The following FSHR variants were observed in gnomAD, a reference collection of about 807,000 sequenced individuals.
The protein encoded by FSHR is follicle-stimulating hormone receptor.
Under a neutral mutation model 52.1 loss-of-function variants are expected in FSHR, and 46 were observed. The observed-to-expected ratio is 0.88, with a 90% CI of 0.70 to 1.13. FSHR has a LOEUF of 1.13. FSHR is among the 50% of genes most tolerant of loss of function. FSHR has a pLI of 0.00. For missense variants in FSHR, 964 were observed against 834.6 expected (o/e 1.16, Z -1.91); for synonymous variants, 399 against 309.6 (o/e 1.29, Z -3.03).
intron 1 of FSHR, among the ~76,000 whole-genome samples, chr2:49,076,269 C>T (rs1316528598): frequency 6.6e-6 from 1 of 152,166 alleles, no homozygotes; most frequent in Non-Finnish European, 1.5e-5. Flanking sequence ...CTTACAGTTC[C>T]ACGTGGCTGG....
chr2:49,132,629 A>T lies in FSHR; in HGVS notation c.152+21637T>A, dbSNP rs1333820771. On this transcript the variant is annotated intron_variant, in intron 1 of 9. Coordinates refer to ENST00000406846, the MANE Select transcript of FSHR (RefSeq NM_000145.4). ...CATTAAAGTAAAAAATGGGATAAGT[A>T]ACTTCATTGCAATAACATTTATTTC... is the stretch of plus-strand genomic sequence containing the variant. Among the ~76,000 whole-genome samples, 4 of 152,148 alleles carry T rather than the reference A, an allele frequency of 2.6e-5. No individual in the cohort carries two copies. In the South Asian group the frequency reaches 6.2e-4, roughly 24 times the overall value.
chr2:49,015,008 A>G (rs945186511), intron 4 of FSHR: 2 of 415,438 alleles, frequency 4.8e-6, no homozygotes, highest in African/African-American at 4.2e-5. Flanking sequence ...TAACTGGGTA[A>G]CAGGCACTAA....
intron 1 of FSHR, among the ~76,000 whole-genome samples, chr2:49,127,063 C>T (rs760180280): frequency 2.6e-5 from 4 of 152,198 alleles, no homozygotes; most frequent in African/African-American, 9.6e-5. Flanking sequence ...TGCAGTGGCT[C>T]ATGCCTGAAA....
rs1052296770 is a variant in FSHR at position 49,127,802 on chromosome 2, C to G, written c.152+26464G>C. ...TCTTCTTCTTCTTCTTCTTCTTCTT[C>G]TTCTTCTTCTTCTTCTTCTTCTTCT... On this transcript the variant is annotated intron_variant, in intron 1 of 9. Coordinates refer to ENST00000406846, the MANE Select transcript of FSHR (RefSeq NM_000145.4). Among the ~76,000 whole-genome samples, 403 of 55,010 alleles carry G rather than the reference C, an allele frequency of 7.3e-3. 22 individuals carry two copies. Among genetic ancestry groups the G allele is most frequent in the Non-Finnish European group, 4.8e-3 (148 of 30,910 alleles). 36.1% of individuals were successfully genotyped at this position (55,010 alleles called of 152,430 possible). A position where few individuals can be genotyped will look rare whatever the true frequency, so the allele number is the denominator to read the frequency against.
chr2:49,076,928 T>C (rs1440569356), intron 1 of FSHR, among the ~76,000 whole-genome samples: 2 of 152,190 alleles, frequency 1.3e-5, no homozygotes, highest in African/African-American at 2.4e-5. Context: ...GTGGGTTCCA[T>C]GATCTTGGGC....
intron 1 of FSHR, among the ~76,000 whole-genome samples, chr2:49,132,968 T>TAAAAAAAAAAAAAAAAAAAA (rs34913428): frequency 6.2e-5 from 3 of 48,650 alleles, no homozygotes; most frequent in African/African-American, 2.6e-4. Flanking sequence ...TAAAACTCAG[T>TAAAAAAAAAAAAAAAAAAAA]AAAAAAAAAA....
At chr2:49,140,295 T>A (rs1178295192) in intron 1 of FSHR, among the ~76,000 whole-genome samples, 1 of 151,990 alleles carries the variant, frequency 6.6e-6, no homozygotes, top group South Asian at 2.1e-4. Context: ...TGAAAGTGTG[T>A]GGCATTGCCC....
chr2:48,988,154 A>T (rs1288944615), intron 6 of FSHR, among the ~76,000 whole-genome samples: 5 of 152,182 alleles, frequency 3.3e-5, no homozygotes, highest in Non-Finnish European at 5.9e-5. Flanking sequence ...CATACAACTG[A>T]AGGGGGCTAA....
intron 1 of FSHR, among the ~76,000 whole-genome samples, chr2:49,088,039 A>G (rs932797719): frequency 2.6e-5 from 4 of 152,194 alleles, no homozygotes; most frequent in Admixed American, 6.5e-5. Flanking sequence ...TGAAATAGGT[A>G]ACTATCCATA....
At chr2:49,119,539 A>G (rs1276092341) in intron 1 of FSHR, among the ~76,000 whole-genome samples, 1 of 151,892 alleles carries the variant, frequency 6.6e-6, no homozygotes, top group Non-Finnish European at 1.5e-5. Flanking sequence ...CCTTTTTTGC[A>G]ATGGCGCATT....
chr2:49,022,682 C>G (rs1456465751), intron 2 of FSHR, among the ~76,000 whole-genome samples: 1 of 152,138 alleles, frequency 6.6e-6, no homozygotes, highest in African/African-American at 2.4e-5. Context: ...CTTCTACCCT[C>G]CCTGCCTCCC....
At chr2:49,016,801 T>TGGG (rs371548774) in intron 4 of FSHR, among the ~76,000 whole-genome samples, 1 of 151,652 alleles carries the variant, frequency 6.6e-6, no homozygotes, top group African/African-American at 2.4e-5. Context: ...ATTCTCTTGA[T>TGGG]GAAACAATAT....
chr2:49,154,413 G>A lies in FSHR; in HGVS notation c.5C>T (p.Ala2Val). The A allele has an allele frequency of 6.2e-7, 1 of 1,612,338 alleles. No individual in the cohort carries two copies. The highest frequency in any genetic ancestry group is 8.5e-7 in the Non-Finnish European group (1 of 1,179,858). The change falls in exon 1 of 10, where the codon GCC becomes GTC. Residue 2 changes from alanine (A) to valine (V), a missense_variant. By Grantham distance (64) the Ala-to-Val change is moderately conservative (BLOSUM62 0). Transcript: ENST00000406846. ...TGCCAGCAAAGAGACCAGGAGCAGG[G>A]CCATAATTATGCATCCATCCACCTG... M[A>V]LLLVSLLAFL...
chr2:49,032,165 C>A (rs975504103), intron 2 of FSHR, among the ~76,000 whole-genome samples: 1 of 152,178 alleles, frequency 6.6e-6, no homozygotes, highest in Non-Finnish European at 1.5e-5. Context: ...AAAGTTTTCT[C>A]CAAGGAAGCC....
chr2:48,984,046 C>G (rs144519619), intron 6 of FSHR, among the ~76,000 whole-genome samples: 1 of 152,180 alleles, frequency 6.6e-6, no homozygotes, highest in South Asian at 2.1e-4. Context: ...CTGTCAGGTT[C>G]TTTTCCCTGT....
chr2:49,044,657 T>G (rs537617178), intron 2 of FSHR, among the ~76,000 whole-genome samples: 2 of 150,974 alleles, frequency 1.3e-5, no homozygotes, highest in Non-Finnish European at 3.0e-5. Context: ...CCCATCCCCC[T>G]CCCCCAGCAC....
intron 1 of FSHR, among the ~76,000 whole-genome samples, chr2:49,104,355 C>A (rs1451808723): frequency 6.6e-6 from 1 of 152,070 alleles, no homozygotes; most frequent in African/African-American, 2.4e-5. Context: ...CAGAGAGGCC[C>A]CCTGAACCCG....
At chr2:49,059,575 T>G (rs564739352) in intron 2 of FSHR, 1 of 152,632 alleles carries the variant, frequency 6.6e-6, no homozygotes, top group African/African-American at 2.4e-5. Context: ...TATCCACATG[T>G]AGAAGACTGA....
chr2:49,123,812 C>A (rs1208810313), intron 1 of FSHR, among the ~76,000 whole-genome samples: 2 of 152,044 alleles, frequency 1.3e-5, no homozygotes, highest in Non-Finnish European at 2.9e-5. Flanking sequence ...AGAATGTTGA[C>A]AATCAAATGA....
Sources: allele counts gnomAD v4.1 joint callset (sites outside exome capture counted in the v4.1 genomes callset), GRCh38; gene constraint gnomAD v4.1.1; transcripts MANE v1.5; gene names NCBI Gene and HGNC (gene_info 2026-07-23, HGNC 2026-07-21).